The following TRIO variants were observed in gnomAD, a reference collection of about 807,000 sequenced individuals.
The protein encoded by TRIO is trio Rho guanine nucleotide exchange factor.
Under a neutral mutation model 351.9 loss-of-function variants are expected in TRIO, and 58 were observed. The ratio of observed to expected loss-of-function variants is 0.16; its 90% confidence interval spans 0.13 to 0.21. TRIO has a LOEUF of 0.21. Among genes scored for constraint, TRIO ranks in the 10% least tolerant of loss-of-function variants. The pLI, the probability that TRIO is intolerant of heterozygous loss-of-function variation, is 1.00. For missense variants in TRIO, 3,201 were observed against 4,027.8 expected (o/e 0.79, Z 5.56); for synonymous variants, 1,758 against 1,595.7 (o/e 1.10, Z -2.42).
Position 14,176,617 on chromosome 5 carries a change from C to T in TRIO, c.157+32735C>T, listed in dbSNP as rs531835173. On this transcript the variant is annotated intron_variant, in intron 1 of 56. Transcript: ENST00000344204. ...TGCAGCCGTGTGCCACCACACCTGA[C>T]TAATTTTTGTATTTTTTTGTAGCGG... is the stretch of plus-strand genomic sequence containing the variant. Among the ~76,000 whole-genome samples the T allele has an allele frequency of 3.2e-4, 48 of 152,302 alleles. No individual in the cohort carries two copies. In the South Asian group the frequency reaches 1.0e-2, roughly 32 times the overall value.
intron 33 of TRIO, among the ~76,000 whole-genome samples, chr5:14,408,886 T>G (rs1166216751): frequency 6.6e-6 from 1 of 151,772 alleles, no homozygotes; most frequent in Admixed American, 6.6e-5. Flanking sequence ...AAAAAAAAAG[T>G]AAATTTTTTG....
rs1331670942 is a variant in TRIO at position 14,189,129 on chromosome 5, C to T, written c.157+45247C>T. 3.9e-5 allele frequency among the ~76,000 whole-genome samples: 6 copies of T among 152,228 alleles called. No individual in the cohort carries two copies. The East Asian group carries it at 9.6e-4, about 24-fold the overall frequency. On this transcript the variant is annotated intron_variant, in intron 1 of 56. Transcript: ENST00000344204. ...CATTGCTTTTTAATTGTATTTATTTCTATTTTTAATATTTGAGCTTTAAAA... is the reference window on the plus strand; with the variant it reads ...CATTGCTTTTTAATTGTATTTATTTTTATTTTTAATATTTGAGCTTTAAAA...
In TRIO at chr5:14,387,650, A is replaced by T; in HGVS notation, c.3765+18A>T. ...ACAAATCGGTAAATGGCCTTGTGCA[A>T]ACTGAATAAATTATGGTCTTCTTCC... On this transcript the variant is annotated intron_variant, in intron 22 of 56. Coordinates refer to ENST00000344204, the MANE Select transcript of TRIO (RefSeq NM_007118.4). 1 of 1,608,672 alleles carries T rather than the reference A, an allele frequency of 6.2e-7. No individual in the cohort carries two copies. Among genetic ancestry groups the T allele is most frequent in the Non-Finnish European group, 8.5e-7 (1 of 1,175,950 alleles).
intron 1 of TRIO, among the ~76,000 whole-genome samples, chr5:14,209,716 C>G (rs1242850766): frequency 2.6e-5 from 4 of 152,190 alleles, no homozygotes; most frequent in Admixed American, 2.6e-4. Context: ...TTGTGCAGCA[C>G]ACTTTTTTTC....
intron 3 of TRIO, among the ~76,000 whole-genome samples, chr5:14,283,549 A>G (rs574652951): frequency 2.0e-5 from 3 of 152,182 alleles, no homozygotes; most frequent in Non-Finnish European, 2.9e-5. Flanking sequence ...TTGCTGAGAT[A>G]TAGTGCAATA....
chr5:14,154,162 G>A (rs1360280311), intron 1 of TRIO, among the ~76,000 whole-genome samples: 1 of 152,186 alleles, frequency 6.6e-6, no homozygotes, highest in Non-Finnish European at 1.5e-5. Context: ...TTTCTTGGCT[G>A]TCTGGACTTG....
At chr5:14,244,756 G>A (rs1234896996) in intron 1 of TRIO, among the ~76,000 whole-genome samples, 6 of 152,222 alleles carry the variant, frequency 3.9e-5, no homozygotes, top group African/African-American at 7.2e-5. Context: ...ACTCCTTGCC[G>A]TCAGCCTGGA....
At chr5:14,478,536 T>C (rs1755264830) in intron 41 of TRIO, among the ~76,000 whole-genome samples, 2 of 147,448 alleles carry the variant, frequency 1.4e-5, no homozygotes, top group South Asian at 2.2e-4. Flanking sequence ...ATTGTCTACA[T>C]TTTTTTTCTT....
rs761681614 is a variant in TRIO at position 14,471,401 on chromosome 5, T to C, written c.5847T>C (p.Leu1949=). 26 of 1,614,076 alleles carry C rather than the reference T, an allele frequency of 1.6e-5. No individual in the cohort carries two copies. The highest frequency in any genetic ancestry group is 2.1e-5 in the Non-Finnish European group (25 of 1,180,038). ...SPSFNPSDNS[L]LSSSSPIDEM... Reference sequence around the variant, plus strand: ...CCTTCAACCCTTCGGATAATTCCCTTCTCTCTTCCTCCTCGCCCATTGATG... The same window carrying C: ...CCTTCAACCCTTCGGATAATTCCCTCCTCTCTTCCTCCTCGCCCATTGATG... The change falls in exon 38 of 57, where the codon CTT becomes CTC. Residue 1949 remains leucine, a synonymous_variant. Transcript: ENST00000344204.
intron 11 of TRIO, among the ~76,000 whole-genome samples, chr5:14,352,354 A>G (rs1217219616): frequency 6.6e-6 from 1 of 152,230 alleles, no homozygotes; most frequent in Non-Finnish European, 1.5e-5. Flanking sequence ...GAACTTCCAT[A>G]GGACACAACT....
chr5:14,416,164 C>T (rs1038126378), intron 33 of TRIO, among the ~76,000 whole-genome samples: 1 of 145,978 alleles, frequency 6.9e-6, no homozygotes, highest in Non-Finnish European at 1.5e-5. Context: ...AAGCCAAGAC[C>T]TCCGTCAGAC....
chr5:14,485,149 A>G lies in TRIO; in HGVS notation c.6738A>G (p.Val2246=). The change falls in exon 47 of 57, where the codon GTA becomes GTG. Residue 2246 remains valine, a synonymous_variant. Transcript: ENST00000344204. ...FALTSRTGDV[V]ETFILHSSSP... is the part of the protein sequence containing the mutation. ...TGACATCGAGGACGGGTGACGTGGT[A>G]GAGACCTTCATTTTGCATTCATCTA... 6.3e-7 allele frequency: 1 copy of G among 1,595,130 alleles called. No individual in the cohort carries two copies. Among genetic ancestry groups the G allele is most frequent in the Non-Finnish European group, 8.6e-7 (1 of 1,164,590 alleles).
chr5:14,272,267 TTTTTTA>T lies in TRIO; in HGVS notation c.232+1375_232+1380del, dbSNP rs550021885. 3.9e-5 allele frequency among the ~76,000 whole-genome samples: 6 copies of T among 152,296 alleles called. No individual in the cohort carries two copies. The South Asian group carries it at 1.2e-3, about 32-fold the overall frequency. ...AAAGCTGAGTTCATGTGTTTATCAG[TTTTTTA>T]TTTTTAAAGTCTGGGTCTGTGATAA... On this transcript the variant is annotated intron_variant, in intron 2 of 56. Coordinates refer to ENST00000344204, the MANE Select transcript of TRIO (RefSeq NM_007118.4).
At chr5:14,492,267 G>C (rs905838447) in intron 48 of TRIO, 1 of 413,682 alleles carries the variant, frequency 2.4e-6, no homozygotes, top group East Asian at 4.8e-5. Flanking sequence ...AGATGTTCCC[G>C]TGAGGGTGCA....
chr5:14,277,976 A>C (rs1735689188), intron 2 of TRIO, among the ~76,000 whole-genome samples: 1 of 152,220 alleles, frequency 6.6e-6, no homozygotes, highest in South Asian at 2.1e-4. Context: ...TTTTTGATAA[A>C]ATTGTAAAAA....
At chr5:14,191,237 AATGTGT>A (rs1184251850) in intron 1 of TRIO, among the ~76,000 whole-genome samples, 2 of 152,206 alleles carry the variant, frequency 1.3e-5, no homozygotes, top group Non-Finnish European at 2.9e-5. Flanking sequence ...CGTATATATA[AATGTGT>A]ATGTGTATGT....
intron 2 of TRIO, among the ~76,000 whole-genome samples, chr5:14,276,327 A>AG (rs1735516457): frequency 1.3e-5 from 2 of 152,218 alleles, no homozygotes; most frequent in Non-Finnish European, 2.9e-5. Flanking sequence ...CAGGCTGCCG[A>AG]GTCTTCTCAG....
At chr5:14,273,089 C>G (rs935738984) in intron 2 of TRIO, among the ~76,000 whole-genome samples, 1 of 152,152 alleles carries the variant, frequency 6.6e-6, no homozygotes, top group Admixed American at 6.5e-5. Context: ...CCATATCCAC[C>G]CCCAAGCCCC....
chr5:14,382,013 A>G (rs971570666), intron 21 of TRIO, among the ~76,000 whole-genome samples: 4 of 152,102 alleles, frequency 2.6e-5, no homozygotes, highest in African/African-American at 7.2e-5. Context: ...CACCATTACA[A>G]CCTGTGGGGT....
Sources: gnomAD v4.1 joint callset for allele counts (sites outside exome capture counted in the v4.1 genomes callset) on GRCh38, gnomAD v4.1.1 for gene constraint, MANE v1.5 for transcripts, NCBI Gene and HGNC (gene_info 2026-07-23, HGNC 2026-07-21) for gene names.